SLC7A14: variants seen among roughly 807,000 people sequenced by gnomAD.
The protein encoded by SLC7A14 is solute carrier family 7 member 14.
In SLC7A14, 37 loss-of-function variants were observed where a neutral mutation model predicts 60.2. The observed-to-expected ratio is 0.61, with a 90% CI of 0.47 to 0.81. The LOEUF (loss-of-function observed/expected upper bound fraction) is 0.81. SLC7A14 is among the 30% of genes least tolerant of loss of function. SLC7A14 has a pLI of 0.00. For synonymous variants in SLC7A14, 399 were observed against 395.8 expected, an observed-to-expected ratio of 1.01 and a Z score of -0.10; for missense variants, 886 against 982.7, an observed-to-expected ratio of 0.90 and a Z score of 1.32.
At chr3:170,575,308 CAG>C (rs1560285415) in intron 1 of SLC7A14, among the ~76,000 whole-genome samples, 1 of 152,142 alleles carries the variant, frequency 6.6e-6, no homozygotes, top group Non-Finnish European at 1.5e-5. Flanking sequence ...ACAGAACCAC[CAG>C]AGATTAAGAT....
In SLC7A14 at chr3:170,464,834, A is replaced by T. The variant is rs1739681826; in HGVS notation, c.*2221T>A. 6.6e-6 allele frequency: 1 copy of T among 152,196 alleles called. No homozygotes were observed. Among genetic ancestry groups the T allele is most frequent in the Non-Finnish European group, 1.5e-5 (1 of 68,030 alleles). The allele number at this position is 152,196 out of a possible 1,614,324, so 9.4% of individuals were successfully genotyped here. A position where few individuals can be genotyped will look rare whatever the true frequency, so the allele number is the denominator to read the frequency against. On this transcript the variant is annotated 3_prime_UTR_variant, in exon 8 of 8. Coordinates refer to ENST00000231706, the MANE Select transcript of SLC7A14 (RefSeq NM_020949.3). ...AGGAAGCTCTTTCACCCACGTTAAG[A>T]TTTTGCCATTTTGCACTCCTATTTC...
intron 4 of SLC7A14, chr3:170,495,661 GC>G: frequency 1.2e-6 from 1 of 851,070 alleles, no homozygotes; most frequent in East Asian, 2.4e-5. Flanking sequence ...AGCCTGCTGA[GC>G]CCTGTTAACC....
Position 170,461,366 on chromosome 3 carries a change from C to T in SLC7A14, c.*5689G>A, listed in dbSNP as rs1261990912. The T allele has an allele frequency of 6.6e-6, 1 of 152,142 alleles. No homozygotes were observed. The highest frequency in any genetic ancestry group is 1.5e-5 in the Non-Finnish European group (1 of 68,028). The allele number at this position is 152,142 out of a possible 1,614,324, so 9.4% of individuals were successfully genotyped here. A position where few individuals can be genotyped will look rare whatever the true frequency, so the allele number is the denominator to read the frequency against. ...TTAGAGAAGTAATTTTGGCAAAAGG[C>T]GACTGCCTAGCTGTTTCAGAATGAT... On this transcript the variant is annotated 3_prime_UTR_variant, in exon 8 of 8. Transcript: ENST00000231706.
intron 7 of SLC7A14, among the ~76,000 whole-genome samples, chr3:170,470,827 C>T (rs1030737602): frequency 1.3e-5 from 2 of 152,130 alleles, no homozygotes; most frequent in South Asian, 4.1e-4. Flanking sequence ...AGCTGCTCCA[C>T]GCCTCCTGTG....
intron 5 of SLC7A14, among the ~76,000 whole-genome samples, chr3:170,483,963 G>A (rs151303626): frequency 2.0e-5 from 3 of 152,224 alleles, no homozygotes; most frequent in Admixed American, 1.3e-4. Flanking sequence ...GGTCCTACAG[G>A]GTTTTATCCG....
At chr3:170,468,674 T>C (rs963075026) in intron 7 of SLC7A14, among the ~76,000 whole-genome samples, 10 of 152,186 alleles carry the variant, frequency 6.6e-5, no homozygotes, top group African/African-American at 2.4e-4. Flanking sequence ...TTGGAGTCCA[T>C]AGAACATGAT....
intron 1 of SLC7A14, among the ~76,000 whole-genome samples, chr3:170,557,161 G>T (rs569354295): frequency 3.2e-4 from 49 of 152,208 alleles, no homozygotes; most frequent in African/African-American, 1.2e-3. Flanking sequence ...CTGCCTTATT[G>T]ATTTATTTAT....
rs963947608 is a variant in SLC7A14, at chr3:170,549,022, TAGAA to T, written c.-152-21938_-152-21935del. Among the ~76,000 whole-genome samples the T allele has an allele frequency of 6.6e-5, 10 of 152,242 alleles. 1 individual carries two copies. Among genetic ancestry groups the T allele is most frequent in the Middle Eastern group, 6.8e-3 (2 of 294 alleles). On this transcript the variant is annotated intron_variant, in intron 1 of 7. Transcript: ENST00000231706. ...TGGTAAGTAGGTGGCACTTGGGACATAGAAATAAATAAATGAATAGACATAAAAC... is the reference window on the plus strand; with the variant it reads ...TGGTAAGTAGGTGGCACTTGGGACATATAAATAAATGAATAGACATAAAAC...
intron 1 of SLC7A14, among the ~76,000 whole-genome samples, chr3:170,578,362 A>G (rs999584264): frequency 6.6e-6 from 1 of 151,578 alleles, no homozygotes; most frequent in Non-Finnish European, 1.5e-5. Context: ...TCTATTCACC[A>G]TCTTGGTTGC....
chr3:170,513,847 C>T (rs900886131), intron 2 of SLC7A14, among the ~76,000 whole-genome samples: 3 of 152,202 alleles, frequency 2.0e-5, no homozygotes, highest in Non-Finnish European at 2.9e-5. Context: ...AACCCACAAG[C>T]TGTCAACAGA....
chr3:170,556,873 G>T (rs180773021), intron 1 of SLC7A14, among the ~76,000 whole-genome samples: 1 of 152,134 alleles, frequency 6.6e-6, no homozygotes, highest in Admixed American at 6.5e-5. Flanking sequence ...CAAGATCTAC[G>T]TTATTCTCAC....
intron 1 of SLC7A14, among the ~76,000 whole-genome samples, chr3:170,547,138 T>G (rs1376481449): frequency 6.6e-6 from 1 of 152,180 alleles, no homozygotes; most frequent in African/African-American, 2.4e-5. Context: ...TTCCCTTCCT[T>G]CTTCTCCTTT....
At chr3:170,584,289 G>T (rs903279020) in intron 1 of SLC7A14, among the ~76,000 whole-genome samples, 10 of 152,136 alleles carry the variant, frequency 6.6e-5, no homozygotes, top group African/African-American at 1.9e-4. Context: ...GGGAAAGAAG[G>T]GTTCTAAGAA....
chr3:170,475,170 C>G (rs1711575427), intron 7 of SLC7A14, among the ~76,000 whole-genome samples: 1 of 152,170 alleles, frequency 6.6e-6, no homozygotes, highest in African/African-American at 2.4e-5. Context: ...GCTGGATAAT[C>G]TTGTTGGGGC....
At chr3:170,478,228 C>T (rs941502293) in intron 7 of SLC7A14, among the ~76,000 whole-genome samples, 5 of 152,064 alleles carry the variant, frequency 3.3e-5, no homozygotes, top group Admixed American at 3.3e-4. Flanking sequence ...CAGGCACTTG[C>T]CACCACGCCT....
chr3:170,467,411 G>A (rs1181883018), intron 7 of SLC7A14, 34 bp from the exon 8 acceptor site: 1 of 1,332,404 alleles, frequency 7.5e-7, no homozygotes, highest in Non-Finnish European at 9.8e-7. Context: ...AGGTGAATAA[G>A]CAATTGCTTT....
At chr3:170,478,864 C>A (rs1711717716) in intron 7 of SLC7A14, among the ~76,000 whole-genome samples, 1 of 152,130 alleles carries the variant, frequency 6.6e-6, no homozygotes, top group African/African-American at 2.4e-5. Context: ...TGGCTCATGC[C>A]TGTAATCCCA....
chr3:170,557,661 A>G (rs569529483), intron 1 of SLC7A14, among the ~76,000 whole-genome samples: 1 of 152,300 alleles, frequency 6.6e-6, no homozygotes, highest in African/African-American at 2.4e-5. Flanking sequence ...CGATCTTGTT[A>G]CTTGAGCTTT....
intron 1 of SLC7A14, among the ~76,000 whole-genome samples, chr3:170,559,468 A>G (rs991555679): frequency 5.9e-5 from 9 of 152,222 alleles, no homozygotes; most frequent in African/African-American, 2.2e-4. Context: ...CACACTTACT[A>G]TTATAATAGT....
Sources: gnomAD v4.1 joint callset for allele counts (sites outside exome capture counted in the v4.1 genomes callset) on GRCh38, gnomAD v4.1.1 for gene constraint, MANE v1.5 for transcripts, NCBI Gene and HGNC (gene_info 2026-07-23, HGNC 2026-07-21) for gene names.